Variants in NRP1 observed in about 807,000 individuals in gnomAD.
The protein encoded by NRP1 is neuropilin 1.
Under a neutral mutation model 106.7 loss-of-function variants are expected in NRP1, and 35 were observed. That is an observed-to-expected ratio of 0.33 (90% CI 0.25 to 0.43). The LOEUF is 0.43. NRP1 is among the 20% of genes least tolerant of loss of function. The pLI, the probability that NRP1 is intolerant of heterozygous loss-of-function variation, is 1.00. For synonymous variants in NRP1, 437 were observed against 417.9 expected, an observed-to-expected ratio of 1.05 and a Z score of -0.56; for missense variants, 1,024 against 1,170.4, an observed-to-expected ratio of 0.87 and a Z score of 1.83.
At chr10:33,313,316 C>T (rs1343861013) in intron 2 of NRP1, among the ~76,000 whole-genome samples, 3 of 152,098 alleles carry the variant, frequency 2.0e-5, no homozygotes, top group African/African-American at 7.2e-5. Flanking sequence ...TGGGCTGGAA[C>T]AGCAGCTTGG....
intron 2 of NRP1, among the ~76,000 whole-genome samples, chr10:33,286,446 C>T (rs909039244): frequency 3.9e-5 from 6 of 152,046 alleles, no homozygotes; most frequent in Admixed American, 6.6e-5. Context: ...TAATCTGGGA[C>T]CATGCAATCT....
Position 33,263,699 on chromosome 10 carries a change from C to G in NRP1, c.605G>C (p.Gly202Ala), listed in dbSNP as rs941004239. The G allele has an allele frequency of 1.2e-5, 19 of 1,614,004 alleles. No individual in the cohort carries two copies. Among genetic ancestry groups the G allele is most frequent in the East Asian group, 1.1e-4 (5 of 44,878 alleles). The part of the protein sequence containing the change: ...FDLEPDSNPP[G>A]GMFCRYDRLE... ...CCGGTCGTAGCGACAGAACATCCCC[C>G]CTGGAGGATTTGAGTCAGGCTCCAG... The change falls in exon 4 of 17, where the codon GGG becomes GCG. Residue 202 changes from glycine to alanine, a missense_variant. This residue lies in a region of NRP1 where 279 missense variants were observed against 327.4 expected (regional missense o/e 0.85). Transcript: ENST00000374867.
intron 2 of NRP1, among the ~76,000 whole-genome samples, chr10:33,313,197 C>T (rs943195774): frequency 2.6e-5 from 4 of 152,192 alleles, no homozygotes; most frequent in African/African-American, 9.7e-5. Flanking sequence ...AGGTCTAAAA[C>T]GTCTGATACC....
At chr10:33,272,974 G>A (rs1233329678) in intron 2 of NRP1, among the ~76,000 whole-genome samples, 1 of 151,836 alleles carries the variant, frequency 6.6e-6, no homozygotes, top group Non-Finnish European at 1.5e-5. Context: ...ATATAGTGCC[G>A]GTGGATTGCA....
chr10:33,233,495 C>A (rs185486137), intron 6 of NRP1, among the ~76,000 whole-genome samples: 247 of 152,318 alleles, frequency 1.6e-3, no homozygotes, highest in Non-Finnish European at 2.5e-3. Context: ...TGGTTAAACA[C>A]CAGCACGCAG....
At chr10:33,272,858 C>T (rs1002783598) in intron 2 of NRP1, among the ~76,000 whole-genome samples, 2 of 152,070 alleles carry the variant, frequency 1.3e-5, no homozygotes, top group African/African-American at 4.8e-5. Flanking sequence ...AATTCTAGCT[C>T]ACGTTGCCTT....
At chr10:33,204,412 A>G (rs1588716103) in intron 10 of NRP1, among the ~76,000 whole-genome samples, 1 of 152,246 alleles carries the variant, frequency 6.6e-6, no homozygotes, top group East Asian at 1.9e-4. Flanking sequence ...TTTACAAAAC[A>G]CATACACCCG....
At chr10:33,288,433 G>A (rs10763925) in intron 2 of NRP1, 93,565 of 152,074 alleles carry the variant, frequency 0.62, 29,172 homozygotes, top group East Asian at 0.68. Context: ...CCCCTCGTTA[G>A]GCAAGCTGTT....
At chr10:33,327,665 T>G (rs997158389) in intron 2 of NRP1, among the ~76,000 whole-genome samples, 1 of 146,988 alleles carries the variant, frequency 6.8e-6, no homozygotes, top group African/African-American at 2.4e-5. Flanking sequence ...CCCAGGTTTT[T>G]TTTTTCCCCC....
chr10:33,256,211 C>T, intron 5 of NRP1, 105 bp downstream of exon 5: 1 of 1,090,732 alleles, frequency 9.2e-7, no homozygotes, highest in South Asian at 1.6e-5. Flanking sequence ...GCTGGCACCC[C>T]AGTTCACAAA....
intron 13 of NRP1, among the ~76,000 whole-genome samples, chr10:33,188,710 C>G (rs1836189646): frequency 1.3e-5 from 2 of 151,628 alleles, no homozygotes; most frequent in African/African-American, 4.9e-5. Context: ...AACCATGTCT[C>G]TACCAAAAAT....
At chr10:33,308,689 A>T (rs141945467) in intron 2 of NRP1, among the ~76,000 whole-genome samples, 173 of 152,084 alleles carry the variant, frequency 1.1e-3, no homozygotes, top group African/African-American at 4.0e-3. Context: ...GGGTGTCACT[A>T]TGTTGGCCTG....
chr10:33,313,745 C>A (rs757553205), intron 2 of NRP1, among the ~76,000 whole-genome samples: 1 of 152,126 alleles, frequency 6.6e-6, no homozygotes, highest in African/African-American at 2.4e-5. Flanking sequence ...GGGCATCACA[C>A]ATGAAGACCG....
chr10:33,317,125 ATC>A (rs2132842658), intron 2 of NRP1, among the ~76,000 whole-genome samples: 1 of 152,348 alleles, frequency 6.6e-6, no homozygotes, highest in South Asian at 2.1e-4. Flanking sequence ...AAGAAAGCCA[ATC>A]CCTTCTATTG....
At position 33,263,827 on chromosome 10, in the gene NRP1, C is replaced by A; in HGVS notation, c.477G>T (p.Lys159Asn). The A allele has an allele frequency of 1.2e-6, 2 of 1,613,814 alleles. No homozygotes were observed. The highest frequency in any genetic ancestry group is 1.7e-6 in the Non-Finnish European group (2 of 1,179,716). The change falls in exon 4 of 17, where the codon AAG becomes AAT. Residue 159 changes from lysine to asparagine, a missense_variant. Physicochemically the swap from Lys to Asn is moderately conservative, Grantham distance 94. This residue lies in a region of NRP1 where 279 missense variants were observed against 327.4 expected (regional missense o/e 0.85). Transcript: ENST00000374867. ...QNYTTPSGVIKSPGFPEKYPN... is the reference protein window; with the variant it reads ...QNYTTPSGVINSPGFPEKYPN... ...GATATTTTTCAGGGAATCCGGGGGA[C>A]TTTATCACTCCACTAGGTGTTGTGT...
At position 33,224,147 on chromosome 10, in the gene NRP1, G is replaced by A. The variant is rs186932357; in HGVS notation, c.1137+1987C>T. ...CTAGGTGGATGTTCTGGTTTCATTAGATTCTGATTTCATTAGATTCAGCTA... is the reference window on the plus strand; with the variant it reads ...CTAGGTGGATGTTCTGGTTTCATTAAATTCTGATTTCATTAGATTCAGCTA... On this transcript the variant is annotated intron_variant, in intron 7 of 16. Coordinates refer to ENST00000374867, the MANE Select transcript of NRP1 (RefSeq NM_003873.7). Among the ~76,000 whole-genome samples the A allele has an allele frequency of 1.7e-3, 254 of 152,250 alleles. 1 individual carries two copies. Among genetic ancestry groups the A allele is most frequent in the African/African-American group, 5.7e-3 (237 of 41,558 alleles).
chr10:33,268,596 T>C lies in NRP1; in HGVS notation c.430+2079A>G, dbSNP rs145382884. 4.8e-3 allele frequency among the ~76,000 whole-genome samples: 729 copies of C among 152,310 alleles called. 4 individuals are homozygous for C. Among genetic ancestry groups the C allele is most frequent in the African/African-American group, 0.017 (688 of 41,564 alleles). On this transcript the variant is annotated intron_variant, in intron 3 of 16. Transcript: ENST00000374867. ...ACACAAAGAATTCTTCATGAGTTAG[T>C]GACAAATCTCTCTTTTCTCCTTCAA... is the stretch of plus-strand genomic sequence containing the variant.
At chr10:33,271,560 C>A (rs1843312867) in intron 2 of NRP1, among the ~76,000 whole-genome samples, 1 of 152,142 alleles carries the variant, frequency 6.6e-6, no homozygotes, top group Non-Finnish European at 1.5e-5. Context: ...AAAGGAATAT[C>A]ATTGTTTGAG....
At chr10:33,193,893 T>C (rs1485130678) in intron 12 of NRP1, among the ~76,000 whole-genome samples, 1 of 152,188 alleles carries the variant, frequency 6.6e-6, no homozygotes, top group Non-Finnish European at 1.5e-5. Flanking sequence ...ACTGTCCAAA[T>C]GGAGCAGTTT....
Sources: allele counts gnomAD v4.1 joint callset (sites outside exome capture counted in the v4.1 genomes callset), GRCh38; gene constraint gnomAD v4.1.1; regional missense constraint gnomAD v4.1.1; transcripts MANE v1.5; gene names NCBI Gene and HGNC (gene_info 2026-07-23, HGNC 2026-07-21).